The following TDRD3 variants were observed in gnomAD, a reference collection of about 807,000 sequenced individuals.
TDRD3 encodes the protein tudor domain containing 3, also known as tudor domain-containing protein 3.
TDRD3 carries 45 observed loss-of-function variants against 86.7 expected under a neutral mutation model. That is an observed-to-expected ratio of 0.52 (90% confidence interval 0.41 to 0.67). The LOEUF (loss-of-function observed/expected upper bound fraction) is 0.67. Ranked by LOEUF, TDRD3 falls within the 30% of genes least tolerant of loss-of-function variation. The pLI is 0.00. For synonymous variants in TDRD3, 298 were observed against 301.7 expected (o/e 0.99, Z 0.13); for missense variants, 814 against 889.0 (o/e 0.92, Z 1.07).
At chr13:60,476,172 G>C (rs1018276487) in intron 5 of TDRD3, among the ~76,000 whole-genome samples, 1 of 152,114 alleles carries the variant, frequency 6.6e-6, no homozygotes, top group African/African-American at 2.4e-5. Flanking sequence ...TATTGTTTTA[G>C]ATGTTACATT....
rs780043411 is a variant in TDRD3 at position 60,529,022 on chromosome 13, A to G, written c.1797A>G (p.Arg599=). 1.9e-6 allele frequency: 3 copies of G among 1,614,096 alleles called. No individual in the cohort carries two copies. Among genetic ancestry groups the G allele is most frequent in the Non-Finnish European group, 2.5e-6 (3 of 1,179,966 alleles). ...TAGAAATGCCACTGAAAGGAAGACG[A>G]ATAGGACCTATTAAGCCAGCAGGAC... ...GEVEMPLKGR[R]IGPIKPAGPV... Residue 599 remains arginine (R), a synonymous_variant, in exon 11 of 14, where the codon CGA becomes CGG. Coordinates refer to ENST00000377881, the MANE Select transcript of TDRD3 (RefSeq NM_001146070.2).
intron 2 of TDRD3, among the ~76,000 whole-genome samples, chr13:60,440,897 A>G (rs559332049): frequency 6.6e-6 from 1 of 152,298 alleles, no homozygotes; most frequent in East Asian, 1.9e-4. Flanking sequence ...GAACATTTAA[A>G]ACATAAATAA....
chr13:60,437,369 AC>A (rs1955146359), intron 1 of TDRD3, among the ~76,000 whole-genome samples: 1 of 151,700 alleles, frequency 6.6e-6, no homozygotes, highest in South Asian at 2.1e-4. Context: ...CAGGTGATCC[AC>A]CTGCCTTGGC....
chr13:60,561,842 G>A (rs974409427), intron 12 of TDRD3, among the ~76,000 whole-genome samples: 17 of 151,702 alleles, frequency 1.1e-4, no homozygotes, highest in Admixed American at 3.9e-4. Flanking sequence ...TGTGGTTCCA[G>A]GCTACTATGG....
At chr13:60,501,236 C>T (rs1956824834) in intron 8 of TDRD3, among the ~76,000 whole-genome samples, 1 of 152,154 alleles carries the variant, frequency 6.6e-6, no homozygotes, top group African/African-American at 2.4e-5. Context: ...TGGACGATGA[C>T]TCTTTTGGCT....
intron 3 of TDRD3, among the ~76,000 whole-genome samples, chr13:60,448,630 T>G (rs927978071): frequency 1.3e-5 from 2 of 152,100 alleles, no homozygotes; most frequent in African/African-American, 4.8e-5. Context: ...CTGTAAAAAT[T>G]GTGACTGGAA....
At chr13:60,487,556 C>A (rs60612871) in intron 7 of TDRD3, among the ~76,000 whole-genome samples, 2,684 of 152,194 alleles carry the variant, frequency 0.018, 77 homozygotes, top group African/African-American at 0.062. Flanking sequence ...TTTATGTAAG[C>A]GACTTGAGCA....
intron 12 of TDRD3, among the ~76,000 whole-genome samples, chr13:60,557,196 A>T (rs1958209356): frequency 7.5e-6 from 1 of 134,090 alleles, no homozygotes; most frequent in South Asian, 2.8e-4. Flanking sequence ...ACAAGAGCGA[A>T]ACTCTGTCTC....
chr13:60,399,266 C>T lies in TDRD3; in HGVS notation c.41+1861C>T, dbSNP rs113584816. Among the ~76,000 whole-genome samples the T allele has an allele frequency of 3.4e-3, 519 of 152,264 alleles. 4 individuals are homozygous for T. The highest frequency in any genetic ancestry group is 0.012 in the African/African-American group (490 of 41,546). ...GCTTAGGTAGAGTCCCACCCTGCTT[C>T]GTTATATTGTTATAAATCTTCAGCA... On this transcript the variant is annotated intron_variant, in intron 1 of 13. Coordinates refer to ENST00000377881, the MANE Select transcript of TDRD3 (RefSeq NM_001146070.2).
intron 5 of TDRD3, among the ~76,000 whole-genome samples, chr13:60,476,302 T>G (rs1165159651): frequency 6.6e-6 from 1 of 152,212 alleles, no homozygotes; most frequent in African/African-American, 2.4e-5. Flanking sequence ...TAGGAATTCC[T>G]TTCCTCATTG....
intron 5 of TDRD3, among the ~76,000 whole-genome samples, chr13:60,480,243 T>C (rs1594992733): frequency 6.6e-6 from 1 of 152,212 alleles, no homozygotes; most frequent in Non-Finnish European, 1.5e-5. Context: ...ATTTTTCCTT[T>C]GCTTATGAAG....
At chr13:60,545,084 T>C (rs1957908921) in intron 12 of TDRD3, among the ~76,000 whole-genome samples, 1 of 152,206 alleles carries the variant, frequency 6.6e-6, no homozygotes, top group Non-Finnish European at 1.5e-5. Flanking sequence ...GTACCAAAGC[T>C]ACTTTAGAAA....
At chr13:60,566,560 T>C (rs1408083656) in intron 12 of TDRD3, among the ~76,000 whole-genome samples, 1 of 152,152 alleles carries the variant, frequency 6.6e-6, no homozygotes, top group Admixed American at 6.5e-5. Flanking sequence ...TAATGCAAAT[T>C]ATTGTGCTCT....
At chr13:60,521,024 A>C (rs532677169) in intron 10 of TDRD3, among the ~76,000 whole-genome samples, 109 of 152,326 alleles carry the variant, frequency 7.2e-4, no homozygotes, top group Non-Finnish European at 7.6e-4. Context: ...ATTACTGCAA[A>C]ACTAGAAAAG....
intron 1 of TDRD3, among the ~76,000 whole-genome samples, chr13:60,405,775 A>G (rs1313415527): frequency 6.6e-6 from 1 of 152,218 alleles, no homozygotes; most frequent in Non-Finnish European, 1.5e-5. Flanking sequence ...AGTTTTAATC[A>G]TGATGTGAGG....
intron 12 of TDRD3, among the ~76,000 whole-genome samples, chr13:60,562,339 AAG>A: frequency 6.6e-6 from 1 of 152,158 alleles, no homozygotes; most frequent in South Asian, 2.1e-4. Context: ...GGCAAAAAAA[AAG>A]AAAAGAAAAG....
At chr13:60,448,898 C>G (rs981681022) in intron 3 of TDRD3, among the ~76,000 whole-genome samples, 6 of 152,124 alleles carry the variant, frequency 3.9e-5, no homozygotes. Context: ...ACTTTCTTAT[C>G]AATTCAGCTA....
At chr13:60,529,365 A>ATCT in intron 11 of TDRD3, 148 bp downstream of exon 11, 1 of 793,912 alleles carries the variant, frequency 1.3e-6, no homozygotes, top group Non-Finnish European at 1.8e-6. Context: ...AGATATATAA[A>ATCT]GGATAAACAA....
intron 10 of TDRD3, among the ~76,000 whole-genome samples, chr13:60,522,205 A>G (rs1268365022): frequency 6.6e-6 from 1 of 152,160 alleles, no homozygotes; most frequent in Non-Finnish European, 1.5e-5. Flanking sequence ...TTTCTCTGTA[A>G]TATGACTTTT....
Sources: allele counts gnomAD v4.1 joint callset (sites outside exome capture counted in the v4.1 genomes callset), GRCh38; gene constraint gnomAD v4.1.1; transcripts MANE v1.5; gene names NCBI Gene and HGNC (gene_info 2026-07-23, HGNC 2026-07-21).